The following RSU1 variants were observed in gnomAD, a reference collection of about 807,000 sequenced individuals.
RSU1 encodes the protein rsu-1.
Under a neutral mutation model 31.1 loss-of-function variants are expected in RSU1, and 26 were observed. That is an observed-to-expected ratio of 0.84 (90% confidence interval 0.61 to 1.16). The LOEUF is 1.16. Among genes scored for constraint, RSU1 ranks in the 50% most tolerant of loss-of-function variants. RSU1 has a pLI of 0.00. For synonymous variants in RSU1, 164 were observed against 136.3 expected, an observed-to-expected ratio of 1.20 and a Z score of -1.41; for missense variants, 320 against 339.1, an observed-to-expected ratio of 0.94 and a Z score of 0.44.
intron 8 of RSU1, among the ~76,000 whole-genome samples, chr10:16,637,607 T>C (rs1471532117): frequency 6.6e-6 from 1 of 152,048 alleles, no homozygotes; most frequent in Non-Finnish European, 1.5e-5. Context: ...GTTCTTTTAG[T>C]AAACCTTAGG....
chr10:16,689,753 G>T (rs1835505544), intron 8 of RSU1, among the ~76,000 whole-genome samples: 1 of 152,074 alleles, frequency 6.6e-6, no homozygotes, highest in Non-Finnish European at 1.5e-5. Flanking sequence ...TTCATTTAAG[G>T]TTAAAAAAAC....
rs188991498 is a variant in RSU1 at position 16,763,537 on chromosome 10, G to A, written c.281+853C>T. Among the ~76,000 whole-genome samples, 378 of 152,248 alleles carry A rather than the reference G, an allele frequency of 2.5e-3. 2 individuals carry two copies. Among genetic ancestry groups the A allele is most frequent in the African/African-American group, 8.8e-3 (364 of 41,544 alleles). ...ACCATTCAGGAGAGCTCCGCCCCCA[G>A]GATCCAATCACCTCCCACCAGGCCC... On this transcript the variant is annotated intron_variant, in intron 4 of 8. Coordinates refer to ENST00000345264, the MANE Select transcript of RSU1 (RefSeq NM_012425.4).
chr10:16,726,329 G>T (rs903105501), intron 7 of RSU1, among the ~76,000 whole-genome samples: 3 of 148,894 alleles, frequency 2.0e-5, no homozygotes, highest in Non-Finnish European at 4.4e-5. Flanking sequence ...GTGCAGTGGC[G>T]CAATCTCGGC....
At chr10:16,621,635 G>C (rs1294812897) in intron 8 of RSU1, among the ~76,000 whole-genome samples, 4 of 152,168 alleles carry the variant, frequency 2.6e-5, no homozygotes, top group Non-Finnish European at 5.9e-5. Context: ...GGTGGAGTAG[G>C]AGCAAAGGCA....
chr10:16,619,376 TG>T (rs1834031925), intron 8 of RSU1, among the ~76,000 whole-genome samples: 1 of 152,212 alleles, frequency 6.6e-6, no homozygotes, highest in Non-Finnish European at 1.5e-5. Context: ...CTACCATCAA[TG>T]TCCCCTCTGT....
chr10:16,796,470 C>G (rs935557702), intron 2 of RSU1, among the ~76,000 whole-genome samples: 1 of 152,150 alleles, frequency 6.6e-6, no homozygotes, highest in African/African-American at 2.4e-5. Context: ...CCCACAAACC[C>G]TCACCCTCTT....
chr10:16,799,390 G>C (rs1039353877), intron 2 of RSU1, among the ~76,000 whole-genome samples: 2 of 152,166 alleles, frequency 1.3e-5, no homozygotes, highest in African/African-American at 4.8e-5. Flanking sequence ...CAAACACAGA[G>C]AATCACAGCA....
At chr10:16,728,216 G>A (rs757632853) in intron 7 of RSU1, among the ~76,000 whole-genome samples, 15 of 152,098 alleles carry the variant, frequency 9.9e-5, no homozygotes, top group Admixed American at 2.6e-4. Flanking sequence ...TTACAACAGC[G>A]AAAAGCATGC....
At chr10:16,726,770 ACCCTCCTACTCTACCTC>A (rs1441058107) in intron 7 of RSU1, among the ~76,000 whole-genome samples, 2 of 151,738 alleles carry the variant, frequency 1.3e-5, no homozygotes, top group Non-Finnish European at 2.9e-5. Flanking sequence ...TCTGCCCACC[ACCCTCCTACTCTACCTC>A]CCCTCCCAAA....
intron 8 of RSU1, among the ~76,000 whole-genome samples, chr10:16,692,014 C>T (rs918851235): frequency 1.3e-5 from 2 of 152,114 alleles, no homozygotes; most frequent in Non-Finnish European, 2.9e-5. Flanking sequence ...CCACAATTCA[C>T]CCCAAAGTGC....
chr10:16,598,564 T>G (rs560969044), intron 8 of RSU1, among the ~76,000 whole-genome samples: 2 of 151,918 alleles, frequency 1.3e-5, no homozygotes, highest in Non-Finnish European at 2.9e-5. Flanking sequence ...CAATCAAAAA[T>G]AAAAACAGGC....
At chr10:16,745,335 C>T (rs1836828949) in intron 7 of RSU1, among the ~76,000 whole-genome samples, 2 of 152,284 alleles carry the variant, frequency 1.3e-5, no homozygotes, top group East Asian at 3.9e-4. Context: ...TTATTACCCT[C>T]ATTTTACATG....
intron 2 of RSU1, among the ~76,000 whole-genome samples, chr10:16,814,718 C>T (rs1838490116): frequency 6.6e-6 from 1 of 152,152 alleles, no homozygotes; most frequent in Non-Finnish European, 1.5e-5. Flanking sequence ...TTCACTTCCA[C>T]CCAACTTCCC....
At chr10:16,615,872 G>A (rs943041810) in intron 8 of RSU1, among the ~76,000 whole-genome samples, 2 of 152,212 alleles carry the variant, frequency 1.3e-5, no homozygotes, top group African/African-American at 4.8e-5. Flanking sequence ...TGTAGCTAAA[G>A]CAGTGTTTAG....
intron 7 of RSU1, among the ~76,000 whole-genome samples, chr10:16,712,828 T>C (rs974713216): frequency 4.6e-5 from 7 of 152,204 alleles, no homozygotes; most frequent in African/African-American, 1.4e-4. Flanking sequence ...ATGATAATTA[T>C]TGTCCTTTCT....
chr10:16,709,943 A>G (rs989531457), intron 7 of RSU1, among the ~76,000 whole-genome samples: 2 of 152,166 alleles, frequency 1.3e-5, no homozygotes, highest in Middle Eastern at 3.4e-3. Context: ...TCGGTTTTCT[A>G]TATGTAAGAT....
intron 7 of RSU1, among the ~76,000 whole-genome samples, chr10:16,722,620 C>A (rs1836289042): frequency 6.6e-6 from 1 of 151,842 alleles, no homozygotes; most frequent in Non-Finnish European, 1.5e-5. Flanking sequence ...GTGAAGAAAT[C>A]CAAAATTAAA....
rs535380852 is a variant in RSU1 at position 16,646,043 on chromosome 10, T to C, written c.731+48980A>G. ...ATGTGTATATATATGTGTATATACA[T>C]ATATGTGTATATATATATACACACA... On this transcript the variant is annotated intron_variant, in intron 8 of 8. Coordinates refer to ENST00000345264, the MANE Select transcript of RSU1 (RefSeq NM_012425.4). 7.4e-4 allele frequency among the ~76,000 whole-genome samples: 35 copies of C among 47,482 alleles called. 6 individuals are homozygous for C. The East Asian group carries it at 0.018, about 25-fold the overall frequency. The allele number at this position is 47,482 out of a possible 152,430, so 31.2% of individuals were successfully genotyped here.
chr10:16,676,924 T>C (rs1010026310), intron 8 of RSU1, among the ~76,000 whole-genome samples: 1 of 152,142 alleles, frequency 6.6e-6, no homozygotes, highest in African/African-American at 2.4e-5. Flanking sequence ...TCAGGGTGAA[T>C]TGCAGGAAGC....
Sources: gnomAD v4.1 joint callset for allele counts (sites outside exome capture counted in the v4.1 genomes callset) on GRCh38, gnomAD v4.1.1 for gene constraint, MANE v1.5 for transcripts, NCBI Gene and HGNC (gene_info 2026-07-23, HGNC 2026-07-21) for gene names.